Variants in RTN4 observed in about 807,000 individuals in gnomAD.
RTN4 encodes the protein reticulon-4.
RTN4 carries 32 observed loss-of-function variants against 90.4 expected under a neutral mutation model. The observed-to-expected ratio is 0.35, with a 90% CI of 0.27 to 0.48. RTN4 has a LOEUF of 0.48. RTN4 is among the 20% of genes least tolerant of loss of function. RTN4 has a pLI of 0.99. For missense variants in RTN4, 1,706 were observed against 1,430.2 expected (o/e 1.19, Z -3.11); for synonymous variants, 629 against 552.5 (o/e 1.14, Z -1.94).
At chr2:55,056,864 G>C (rs901406363) in intron 2 of RTN4, among the ~76,000 whole-genome samples, 1 of 152,104 alleles carries the variant, frequency 6.6e-6, no homozygotes, top group African/African-American at 2.4e-5. Context: ...TAAAACTCAG[G>C]CCTATGTAAC....
rs545363760 is a variant in RTN4 at position 55,096,092 on chromosome 2, C to T, written c.-213-15453G>A. 2.0e-4 allele frequency among the ~76,000 whole-genome samples: 30 copies of T among 152,200 alleles called. No homozygotes were observed. The South Asian group carries it at 2.5e-3, about 13-fold the overall frequency. ...GCCTGTTCCTAGCACTTTGGGAGGC[C>T]GAGGCGGGTGGATTACCTGAGGACG... is the stretch of plus-strand genomic sequence containing the variant. On this transcript the variant is annotated intron_variant, in intron 1 of 3. Transcript: ENST00000427710.
At chr2:55,077,116 C>T (rs1279648326) in intron 2 of RTN4, among the ~76,000 whole-genome samples, 6 of 151,652 alleles carry the variant, frequency 4.0e-5, no homozygotes, top group East Asian at 3.9e-4. Context: ...GGGTTCATGC[C>T]GTTCTCCTGC....
Position 54,972,999 on chromosome 2 carries a change from T to C in RTN4, c.*157A>G. 1.8e-6 allele frequency: 1 copy of C among 556,258 alleles called. No individual in the cohort carries two copies. Among genetic ancestry groups the C allele is most frequent in the Non-Finnish European group, 3.2e-6 (1 of 311,466 alleles). The allele number at this position is 556,258 out of a possible 1,614,324, so 34.5% of individuals were successfully genotyped here. ...ACACATGGCAGTCAAGACAGGTAAT[T>C]TTTCCTCACAACAGTGCATGGCTAA... On this transcript the variant is annotated 3_prime_UTR_variant, in exon 9 of 9. Coordinates refer to ENST00000337526, the MANE Select transcript of RTN4 (RefSeq NM_020532.5).
chr2:55,058,259 T>C (rs1668225787), intron 2 of RTN4, among the ~76,000 whole-genome samples: 1 of 152,226 alleles, frequency 6.6e-6, no homozygotes, highest in Admixed American at 6.5e-5. Flanking sequence ...GTTGCACTAC[T>C]AGAATGTTTG....
chr2:55,126,633 C>T, the RTN4 span, among the ~76,000 whole-genome samples: 1 of 152,088 alleles, frequency 6.6e-6, no homozygotes, highest in Non-Finnish European at 1.5e-5. Flanking sequence ...CCTCAAAGAG[C>T]TAAAAACAGA....
At chr2:55,106,504 A>C (rs1320175340) in intron 1 of RTN4, among the ~76,000 whole-genome samples, 2 of 152,056 alleles carry the variant, frequency 1.3e-5, no homozygotes, top group Non-Finnish European at 2.9e-5. Context: ...TTTTGTTGCA[A>C]GTTTCATGTA....
the RTN4 span, among the ~76,000 whole-genome samples, chr2:55,134,625 A>C: frequency 2.6e-5 from 4 of 152,178 alleles, no homozygotes; most frequent in African/African-American, 9.7e-5. Context: ...ATTATTCTTC[A>C]AGTTTAAATG....
intron 3 of RTN4, among the ~76,000 whole-genome samples, chr2:55,001,683 T>C (rs927342924): frequency 6.6e-6 from 1 of 152,148 alleles, no homozygotes; most frequent in African/African-American, 2.4e-5. Flanking sequence ...TGCTGGAGAA[T>C]TGCTCCAAAA....
At chr2:55,050,458 GCTCCT>G (rs565863406), upstream of RTN4, 5,812 of 428,518 alleles carry the variant, frequency 0.014, 56 homozygotes, top group Middle Eastern at 0.018. The surrounding 1 kb of genome is among the most constrained non-coding windows in gnomAD (Gnocchi z 4.6). Flanking sequence ...CAATGAGACT[GCTCCT>G]CCTGCCTCCG....
chr2:55,010,417 G>C, intron 3 of RTN4: 4 of 1,128,448 alleles, frequency 3.5e-6, no homozygotes, highest in South Asian at 3.6e-5. Context: ...AAATGGAGCT[G>C]CATTTGCAGG....
chr2:54,997,444 G>A (rs570852341), intron 3 of RTN4, among the ~76,000 whole-genome samples: 47 of 152,270 alleles, frequency 3.1e-4, no homozygotes, highest in Admixed American at 9.8e-4. Flanking sequence ...AAACAATTTG[G>A]CAGTTCCTCA....
At chr2:55,086,005 G>A (rs968106821) in intron 1 of RTN4, among the ~76,000 whole-genome samples, 3 of 152,156 alleles carry the variant, frequency 2.0e-5, no homozygotes, top group Admixed American at 6.6e-5. Context: ...GCGTCAATAG[G>A]TGATAGAGCC....
intron 1 of RTN4, among the ~76,000 whole-genome samples, chr2:55,034,453 G>A (rs1463751162): frequency 1.3e-5 from 2 of 152,164 alleles, no homozygotes; most frequent in African/African-American, 4.8e-5. Context: ...AGTGGGTTAT[G>A]ATCAGGCCAC....
At chr2:55,097,052 C>G (rs1247151420) in intron 1 of RTN4, among the ~76,000 whole-genome samples, 2 of 151,628 alleles carry the variant, frequency 1.3e-5, no homozygotes, top group African/African-American at 2.4e-5. Context: ...ATAGTGATAT[C>G]TGAGCAATGA....
At chr2:55,092,479 C>T (rs1407690741) in intron 1 of RTN4, among the ~76,000 whole-genome samples, 1 of 152,112 alleles carries the variant, frequency 6.6e-6, no homozygotes, top group African/African-American at 2.4e-5. Context: ...GGTGATCTGC[C>T]CACCTCGGCC....
At chr2:55,077,111 C>A (rs1322485658) in intron 2 of RTN4, among the ~76,000 whole-genome samples, 1 of 151,396 alleles carries the variant, frequency 6.6e-6, no homozygotes, top group African/African-American at 2.4e-5. Context: ...CTCCTGGGTT[C>A]ATGCCGTTCT....
intron 2 of RTN4, among the ~76,000 whole-genome samples, chr2:55,061,206 C>T (rs1259286553): frequency 6.6e-6 from 1 of 151,844 alleles, no homozygotes; most frequent in African/African-American, 2.4e-5. Flanking sequence ...GCTGGGGTTA[C>T]AGGCGCACGC....
intron 2 of RTN4, among the ~76,000 whole-genome samples, chr2:55,078,978 G>A (rs879746700): frequency 6.6e-6 from 1 of 152,192 alleles, no homozygotes; most frequent in Non-Finnish European, 1.5e-5. Flanking sequence ...TAAGACAAAC[G>A]GGAGCCAGTA....
chr2:55,062,103 G>A (rs1405964603), intron 2 of RTN4, among the ~76,000 whole-genome samples: 4 of 152,134 alleles, frequency 2.6e-5, no homozygotes, highest in Non-Finnish European at 1.5e-5. Flanking sequence ...TTTGGCCAGG[G>A]CTGTCAGAGA....
Sources: allele counts gnomAD v4.1 joint callset (sites outside exome capture counted in the v4.1 genomes callset), GRCh38; gene constraint gnomAD v4.1.1; non-coding constraint Gnocchi (gnomAD v3.1); transcripts MANE v1.5; gene names NCBI Gene and HGNC (gene_info 2026-07-23, HGNC 2026-07-21).